BPIFB2: variants seen among roughly 807,000 people sequenced by gnomAD.
BPIFB2 encodes BPI fold containing family B member 2.
Under a neutral mutation model 50.1 loss-of-function variants are expected in BPIFB2, and 39 were observed. The ratio of observed to expected loss-of-function variants is 0.78; its 90% CI spans 0.60 to 1.02. The LOEUF is 1.02. Ranked by LOEUF, BPIFB2 falls within the 50% of genes least tolerant of loss-of-function variation. BPIFB2 has a pLI of 0.00. For missense variants in BPIFB2, 574 were observed against 585.8 expected (o/e 0.98, Z 0.21); for synonymous variants, 280 against 256.3 (o/e 1.09, Z -0.88).
intron 8 of BPIFB2, 98 bp from the exon 9 acceptor site, chr20:33,018,539 G>T (rs1254036039): frequency 1.4e-6 from 2 of 1,402,620 alleles, no homozygotes; most frequent in Non-Finnish European, 2.0e-6. Flanking sequence ...GGGCTGGGGG[G>T]CAGGGAGTGG....
intron 13 of BPIFB2, 25 bp from the exon 14 acceptor site, chr20:33,021,256 C>A (rs1978656049): frequency 6.2e-7 from 1 of 1,613,490 alleles, no homozygotes; most frequent in South Asian, 1.1e-5. Flanking sequence ...GGGACGGGCC[C>A]ATCTCCCTGG....
chr20:33,021,232 C>T (rs1370671605), intron 13 of BPIFB2, 49 bp from the exon 14 acceptor site: 1 of 1,593,106 alleles, frequency 6.3e-7, no homozygotes, highest in Admixed American at 1.7e-5. Context: ...TCCATCTCTC[C>T]TGGCCCCTCG....
chr20:33,021,587 C>T, intron 14 of BPIFB2, 136 bp from the exon 15 acceptor site: 1 of 971,100 alleles, frequency 1.0e-6, no homozygotes, highest in Non-Finnish European at 1.6e-6. Flanking sequence ...CCCCAGCTTC[C>T]CCTTCTGTAA....
chr20:33,008,592 G>C lies in BPIFB2; in HGVS notation c.18G>C (p.Arg6Ser), dbSNP rs752142338. 6.3e-7 allele frequency: 1 copy of C among 1,599,976 alleles called. No individual in the cohort carries two copies. The highest frequency in any genetic ancestry group is 1.7e-5 in the Admixed American group (1 of 58,494). Residue 6 changes from arginine to serine, a missense_variant, in exon 2 of 16, where the codon AGG (arginine) becomes AGC (serine). Transcript: ENST00000170150. Reference protein sequence around the residue: MAWASRLGLLLALLLP... With the variant: MAWASSLGLLLALLLP... The stretch of plus-strand genomic sequence containing the variant: ...GGGCAGCCATGGCTTGGGCAAGTAG[G>C]CTGGGCCTGCTGCTGGCACTGCTGC...
At chr20:33,017,749 C>G (rs995838401) in intron 7 of BPIFB2, among the ~76,000 whole-genome samples, 1 of 152,212 alleles carries the variant, frequency 6.6e-6, no homozygotes, top group African/African-American at 2.4e-5. Flanking sequence ...CTGGGCAAGA[C>G]TGAACCTCAC....
At chr20:33,008,519 C>T in intron 1 of BPIFB2, 22 bp from the exon 2 acceptor site, 2 of 1,458,440 alleles carry the variant, frequency 1.4e-6, no homozygotes, top group Non-Finnish European at 1.9e-6. Context: ...GCTGAGCTCC[C>T]TGATGCTCAT....
rs759447073 is a variant in BPIFB2, at chr20:33,011,009, AC to A, written c.110-12del. 1.8e-5 allele frequency: 29 copies of A among 1,611,726 alleles called. No homozygotes were observed. Among genetic ancestry groups the A allele is most frequent in the African/African-American group, 5.4e-5 (4 of 74,732 alleles). On this transcript the variant is annotated splice_polypyrimidine_tract_variant and intron_variant, in intron 2 of 15. Transcript: ENST00000170150. ...CCCGAGGGCACCCTGACCTCACTCT[AC>A]CCTGGCCCCACAGTGTCTGAAATTG...
intron 7 of BPIFB2, among the ~76,000 whole-genome samples, chr20:33,017,508 C>G (rs1978479632): frequency 6.6e-6 from 1 of 152,246 alleles, no homozygotes; most frequent in Non-Finnish European, 1.5e-5. Flanking sequence ...GCCACCACCC[C>G]TGGCCTCGCC....
rs1329278302 is a variant in BPIFB2, at chr20:33,013,911, G to A, written c.410G>A (p.Cys137Tyr). The A allele has an allele frequency of 1.2e-6, 2 of 1,614,046 alleles. No individual in the cohort carries two copies. Among genetic ancestry groups the A allele is most frequent in the East Asian group, 2.2e-5 (1 of 44,876 alleles). The stretch of plus-strand genomic sequence containing the variant: ...ACCCCTGTGGTCAGCATCTCTGCCT[G>A]CTCTTTATTCTCGGGCCACGCCAAC... ...IRTPVVSISACSLFSGHANEF... is the reference protein window; with the variant it reads ...IRTPVVSISAYSLFSGHANEF... Residue 137 changes from cysteine (C) to tyrosine (Y), a missense_variant, in exon 5 of 16, where the codon TGC (cysteine) becomes TAC (tyrosine). Physicochemically the swap from Cys to Tyr is radical, Grantham distance 194. Transcript: ENST00000170150.
At position 33,021,757 on chromosome 20, in the gene BPIFB2, G is replaced by T; in HGVS notation, c.1293G>T (p.Val431=). ...LLAMGIALPG[V]VNLHYVAPEI... ...CCATGGGAATTGCCCTCCCTGGTGT[G>T]GTCAACCTCCACTATGTCGCCCCTG... is the stretch of plus-strand genomic sequence containing the variant. Residue 431 remains valine, a synonymous_variant, in exon 15 of 16, where the codon GTG becomes GTT. Transcript: ENST00000170150. The T allele has an allele frequency of 6.2e-7, 1 of 1,614,104 alleles. No individual in the cohort carries two copies. Among genetic ancestry groups the T allele is most frequent in the South Asian group, 1.1e-5 (1 of 91,072 alleles).
chr20:33,014,772 C>T (rs1456929950), intron 5 of BPIFB2, among the ~76,000 whole-genome samples: 1 of 152,234 alleles, frequency 6.6e-6, no homozygotes, highest in Non-Finnish European at 1.5e-5. Flanking sequence ...ACTTGTGTCG[C>T]ATGATCACCA....
intron 5 of BPIFB2, among the ~76,000 whole-genome samples, chr20:33,014,899 C>A (rs548740830): frequency 2.6e-5 from 4 of 152,244 alleles, no homozygotes; most frequent in African/African-American, 9.6e-5. Context: ...CACCTCCCCC[C>A]CAGGGAGCTG....
chr20:33,021,219 C>A, intron 13 of BPIFB2, 62 bp from the exon 14 acceptor site: 1 of 1,547,058 alleles, frequency 6.5e-7, no homozygotes, highest in Non-Finnish European at 8.9e-7. Context: ...ATGTGCCTGA[C>A]TGTCCATCTC....
chr20:33,015,501 AGGGCTTGC>A lies in BPIFB2; in HGVS notation c.516+6_516+13del, dbSNP rs757584328. 1 of 1,607,900 alleles carries A rather than the reference AGGGCTTGC, an allele frequency of 6.2e-7. No individual in the cohort carries two copies. The highest frequency in any genetic ancestry group is 8.5e-7 in the Non-Finnish European group (1 of 1,175,468). On this transcript the variant is annotated splice_donor_region_variant and intron_variant, in intron 6 of 15. Transcript: ENST00000170150. ...AAAGCTGTCTTGAGTAACAAGGTAA[AGGGCTTGC>A]AGATTTCTCAGAAAGGAGGGCATGG...
At chr20:33,022,998 G>T (rs977558840) in intron 15 of BPIFB2, among the ~76,000 whole-genome samples, 4 of 152,262 alleles carry the variant, frequency 2.6e-5, no homozygotes, top group Non-Finnish European at 5.9e-5. Context: ...TAGCATAGGG[G>T]AGCTATGGGG....
At chr20:33,014,645 A>G (rs1990334289) in intron 5 of BPIFB2, among the ~76,000 whole-genome samples, 1 of 152,144 alleles carries the variant, frequency 6.6e-6, no homozygotes, top group African/African-American at 2.4e-5. Context: ...GCACCTTCCC[A>G]ATGTGAGCGG....
Position 33,019,184 on chromosome 20 carries a change from G to A in BPIFB2, c.909+69G>A. 5 of 1,577,428 alleles carry A rather than the reference G, an allele frequency of 3.2e-6. No homozygotes were observed. In the South Asian group the frequency reaches 4.4e-5, roughly 14 times the overall value. ...TGGGGTGGGGGTTCTCTGGGTCATGGGATCTCTGCTGGCTCTTATCTGTCC... is the reference window on the plus strand; with the variant it reads ...TGGGGTGGGGGTTCTCTGGGTCATGAGATCTCTGCTGGCTCTTATCTGTCC... On this transcript the variant is annotated intron_variant, in intron 10 of 15. Transcript: ENST00000170150.
In BPIFB2 at chr20:33,017,195, G is replaced by A. The variant is rs1034777203; in HGVS notation, c.577+93G>A. Reference sequence around the variant, plus strand: ...AAAGGCTCCACTCTGGATCACGGTCGACCTCTAGGAGAGTCAGTTGTAGGG... The same window carrying A: ...AAAGGCTCCACTCTGGATCACGGTCAACCTCTAGGAGAGTCAGTTGTAGGG... On this transcript the variant is annotated intron_variant, in intron 7 of 15. Transcript: ENST00000170150. 1.2e-5 allele frequency: 14 copies of A among 1,207,682 alleles called. 1 individual carries two copies. Among genetic ancestry groups the A allele is most frequent in the Admixed American group, 8.2e-5 (4 of 49,042 alleles). 74.8% of individuals were successfully genotyped at this position (1,207,682 alleles called of 1,614,324 possible).
chr20:33,015,384 G>A (rs373750461), intron 5 of BPIFB2, 52 bp from the exon 6 acceptor site: 290 of 1,523,054 alleles, frequency 1.9e-4, no homozygotes, highest in Non-Finnish European at 2.4e-4. Context: ...GCTGAGTGAC[G>A]GGACTTAATA....
Sources: gnomAD v4.1 joint callset for allele counts (sites outside exome capture counted in the v4.1 genomes callset) on GRCh38, gnomAD v4.1.1 for gene constraint, MANE v1.5 for transcripts, NCBI Gene and HGNC (gene_info 2026-07-23, HGNC 2026-07-21) for gene names.